Variants in COG5 observed in about 807,000 individuals in gnomAD.
COG5 encodes the protein component of oligomeric golgi complex 5, also known as conserved oligomeric Golgi complex subunit 5.
Under a neutral mutation model 110.4 loss-of-function variants are expected in COG5, and 86 were observed. That is an observed-to-expected ratio of 0.78 (90% confidence interval 0.65 to 0.93). COG5 has a LOEUF of 0.93. Among genes scored for constraint, COG5 ranks in the 40% least tolerant of loss-of-function variants. COG5 has a pLI of 0.00. For synonymous variants in COG5, 360 were observed against 334.6 expected, an observed-to-expected ratio of 1.08 and a Z score of -0.83; for missense variants, 1,077 against 987.0, an observed-to-expected ratio of 1.09 and a Z score of -1.22.
intron 17 of COG5, among the ~76,000 whole-genome samples, chr7:107,244,409 C>A (rs1801886855): frequency 6.6e-6 from 1 of 152,146 alleles, no homozygotes; most frequent in African/African-American, 2.4e-5. Flanking sequence ...AACTTTACAA[C>A]TTAAAGCATT....
intron 16 of COG5, among the ~76,000 whole-genome samples, chr7:107,253,680 G>A (rs1562935022): frequency 6.6e-6 from 1 of 152,090 alleles, no homozygotes; most frequent in Non-Finnish European, 1.5e-5. Flanking sequence ...TGGAGACTCT[G>A]CATCTGCTCT....
At chr7:107,497,467 A>C (rs1302047050) in intron 6 of COG5, among the ~76,000 whole-genome samples, 4 of 152,208 alleles carry the variant, frequency 2.6e-5, no homozygotes, top group Admixed American at 2.0e-4. Context: ...CAAAATCAAC[A>C]CACAAAAATC....
intron 14 of COG5, among the ~76,000 whole-genome samples, chr7:107,264,994 C>T (rs977153447): frequency 6.6e-6 from 1 of 151,906 alleles, no homozygotes; most frequent in Non-Finnish European, 1.5e-5. Context: ...TGAAGCATTA[C>T]ATAAAGAGGA....
chr7:107,261,997 T>G (rs543178807), intron 14 of COG5, among the ~76,000 whole-genome samples: 1 of 152,006 alleles, frequency 6.6e-6, no homozygotes, highest in African/African-American at 2.4e-5. Context: ...TTCAAGTGAT[T>G]CTTGTGCCTC....
At chr7:107,210,087 C>T (rs1263770933) in intron 21 of COG5, 11 of 1,042,162 alleles carry the variant, frequency 1.1e-5, no homozygotes, top group Non-Finnish European at 1.3e-5. Flanking sequence ...ATCCAAGTGG[C>T]TGCTGGGTTG....
intron 6 of COG5, among the ~76,000 whole-genome samples, chr7:107,446,713 G>A (rs1367035436): frequency 6.6e-6 from 1 of 152,138 alleles, no homozygotes; most frequent in Non-Finnish European, 1.5e-5. Flanking sequence ...GAGGAATGGA[G>A]GCCTACCAAC....
chr7:107,391,241 G>A (rs184138518), intron 7 of COG5, among the ~76,000 whole-genome samples: 2 of 152,254 alleles, frequency 1.3e-5, no homozygotes, highest in Admixed American at 6.5e-5. Context: ...TCTCCTGGGA[G>A]TCTGTAAGCT....
At chr7:107,475,293 C>T in intron 6 of COG5, 1 of 1,590,266 alleles carries the variant, frequency 6.3e-7, no homozygotes. Context: ...CTAAAAGAAA[C>T]AAAAAAATTA....
intron 21 of COG5, chr7:107,207,896 A>C: frequency 1.0e-6 from 1 of 985,412 alleles, no homozygotes; most frequent in Non-Finnish European, 1.2e-6. Context: ...CACTATCCTC[A>C]ATTTGCCCTA....
intron 6 of COG5, among the ~76,000 whole-genome samples, chr7:107,476,816 A>C (rs888060216): frequency 6.6e-6 from 1 of 151,750 alleles, no homozygotes; most frequent in Non-Finnish European, 1.5e-5. Context: ...ATGTCTAAAA[A>C]TTCAATAATA....
chr7:107,266,755 A>G (rs1803834616), intron 14 of COG5, among the ~76,000 whole-genome samples: 1 of 152,016 alleles, frequency 6.6e-6, no homozygotes, highest in Non-Finnish European at 1.5e-5. Flanking sequence ...AAGCCGGGAG[A>G]CTTTCCTATG....
intron 7 of COG5, among the ~76,000 whole-genome samples, chr7:107,408,525 G>A (rs999001396): frequency 2.0e-5 from 3 of 152,180 alleles, no homozygotes; most frequent in Non-Finnish European, 4.4e-5. Context: ...TTTAGTATGT[G>A]TTTGCTGTAA....
At chr7:107,372,426 T>C (rs556895303) in intron 8 of COG5, among the ~76,000 whole-genome samples, 169 bp downstream of exon 8, 1 of 152,178 alleles carries the variant, frequency 6.6e-6, no homozygotes, top group Non-Finnish European at 1.5e-5. Flanking sequence ...ATTCACTGAT[T>C]AGACAAAAAA....
At chr7:107,491,838 GAAATT>G (rs1797991089) in intron 6 of COG5, among the ~76,000 whole-genome samples, 1 of 152,026 alleles carries the variant, frequency 6.6e-6, no homozygotes, top group Admixed American at 6.6e-5. Flanking sequence ...TCTTCTGTAA[GAAATT>G]AAATAACCAT....
At chr7:107,541,523 A>AAAAAAAAAAT (rs60423657) in intron 5 of COG5, among the ~76,000 whole-genome samples, 11 of 57,020 alleles carry the variant, frequency 1.9e-4, no homozygotes, top group East Asian at 1.0e-3. Flanking sequence ...AAAAAAAAAA[A>AAAAAAAAAAT]ATATATATAT....
At chr7:107,228,113 A>T (rs1800494645) in intron 19 of COG5, among the ~76,000 whole-genome samples, 1 of 151,990 alleles carries the variant, frequency 6.6e-6, no homozygotes, top group Admixed American at 6.6e-5. Context: ...CAGGCTGGGC[A>T]ACATGGTGAA....
At chr7:107,422,484 G>T (rs1476166548) in intron 6 of COG5, among the ~76,000 whole-genome samples, 2 of 151,926 alleles carry the variant, frequency 1.3e-5, no homozygotes, top group Non-Finnish European at 2.9e-5. Flanking sequence ...CTGTGATTGT[G>T]CCACTGTACT....
chr7:107,483,684 G>A, intron 6 of COG5, among the ~76,000 whole-genome samples: 1 of 150,486 alleles, frequency 6.6e-6, no homozygotes, highest in East Asian at 1.9e-4. Context: ...AGCCTGGGAG[G>A]CAACAAGAGC....
At chr7:107,229,371 C>A (rs957828561) in intron 19 of COG5, among the ~76,000 whole-genome samples, 13 of 152,118 alleles carry the variant, frequency 8.5e-5, no homozygotes, top group Admixed American at 2.0e-4. Context: ...ATCGCTTGAA[C>A]CCGGGAGGTG....
Sources: gnomAD v4.1 joint callset for allele counts (sites outside exome capture counted in the v4.1 genomes callset) on GRCh38, gnomAD v4.1.1 for gene constraint, MANE v1.5 for transcripts, NCBI Gene and HGNC (gene_info 2026-07-23, HGNC 2026-07-21) for gene names.